APBB2: variants seen among roughly 807,000 people sequenced by gnomAD.
APBB2 encodes the protein amyloid beta precursor protein binding family B member 2.
In APBB2, 38 loss-of-function variants were observed where a neutral mutation model predicts 82.5. The ratio of observed to expected loss-of-function variants is 0.46; its 90% CI spans 0.36 to 0.60. The LOEUF is 0.60. Ranked by LOEUF, APBB2 falls within the 20% of genes least tolerant of loss-of-function variation. APBB2 has a pLI of 0.00. For synonymous variants in APBB2, 341 were observed against 368.2 expected, an observed-to-expected ratio of 0.93 and a Z score of 0.85; for missense variants, 772 against 972.3, an observed-to-expected ratio of 0.79 and a Z score of 2.74.
Position 40,995,666 on chromosome 4 carries a change from C to T in APBB2, c.835+17917G>A, listed in dbSNP as rs542601944. Among the ~76,000 whole-genome samples the T allele has an allele frequency of 4.6e-5, 7 of 151,810 alleles. No homozygotes were observed. In the South Asian group the frequency reaches 1.5e-3, roughly 32 times the overall value. On this transcript the variant is annotated intron_variant, in intron 6 of 17. Coordinates refer to ENST00000508593, the MANE Select transcript of APBB2 (RefSeq NM_004307.2). ...TAAATCCTCCTACCTCAGCCTCCTA[C>T]GTAGCTGACGCCAGCATGTGCCACT... is the stretch of plus-strand genomic sequence containing the variant.
intron 6 of APBB2, among the ~76,000 whole-genome samples, chr4:41,009,089 C>T (rs1427025824): frequency 6.6e-6 from 1 of 152,112 alleles, no homozygotes; most frequent in Non-Finnish European, 1.5e-5. Flanking sequence ...CAAAATGATG[C>T]ATCTTTTCAA....
At chr4:40,930,201 A>G (rs1032648734) in intron 10 of APBB2, among the ~76,000 whole-genome samples, 2 of 152,154 alleles carry the variant, frequency 1.3e-5, no homozygotes, top group Non-Finnish European at 2.9e-5. Flanking sequence ...GAAGAAGTTA[A>G]TATTAGGGAA....
chr4:40,853,346 G>T (rs1453791240), intron 12 of APBB2, among the ~76,000 whole-genome samples: 1 of 149,094 alleles, frequency 6.7e-6, no homozygotes, highest in Non-Finnish European at 1.5e-5. Context: ...TTTAAGCACT[G>T]CCCACAAGCC....
chr4:40,844,901 A>G (rs962182038), intron 12 of APBB2, among the ~76,000 whole-genome samples: 4 of 152,252 alleles, frequency 2.6e-5, no homozygotes, highest in African/African-American at 9.6e-5. Context: ...TAAAAAGCCT[A>G]TCTGTAGTGT....
intron 1 of APBB2, among the ~76,000 whole-genome samples, chr4:41,173,187 T>C (rs550308847): frequency 1.3e-5 from 2 of 152,334 alleles, no homozygotes; most frequent in South Asian, 4.1e-4. Flanking sequence ...ATCTCAGGTA[T>C]GAACTAATAA....
At chr4:40,928,160 G>C (rs528241860) in intron 10 of APBB2, among the ~76,000 whole-genome samples, 5 of 152,288 alleles carry the variant, frequency 3.3e-5, no homozygotes, top group African/African-American at 1.2e-4. Context: ...GATATAGAAA[G>C]TTTTAAAACA....
chr4:40,978,548 A>G (rs1284541369), intron 6 of APBB2, among the ~76,000 whole-genome samples: 1 of 151,960 alleles, frequency 6.6e-6, no homozygotes, highest in African/African-American at 2.4e-5. Flanking sequence ...TTTTTTTTAA[A>G]TCAAGCATTC....
intron 12 of APBB2, among the ~76,000 whole-genome samples, chr4:40,853,616 A>ATT (rs879510474): frequency 1.4e-5 from 2 of 145,788 alleles, no homozygotes; most frequent in African/African-American, 5.0e-5. Flanking sequence ...TGTCTGGCTA[A>ATT]TTTTTTTTTT....
At chr4:40,842,290 C>A (rs1027001766) in intron 12 of APBB2, 19 of 418,058 alleles carry the variant, frequency 4.5e-5, no homozygotes, top group Middle Eastern at 3.4e-4. Context: ...GATGGCAATG[C>A]GACATGAAGA....
At chr4:41,021,977 C>T (rs193243016) in intron 5 of APBB2, among the ~76,000 whole-genome samples, 30 of 152,222 alleles carry the variant, frequency 2.0e-4, no homozygotes, top group African/African-American at 7.0e-4. Context: ...CATGAACCCA[C>T]TGGAAGAAAG....
chr4:41,111,580 C>A (rs1012340179), intron 2 of APBB2, among the ~76,000 whole-genome samples: 2 of 152,168 alleles, frequency 1.3e-5, no homozygotes, highest in African/African-American at 2.4e-5. Context: ...TTTCTTCTTT[C>A]TGCTTTTCTG....
rs1560657312 is a variant in APBB2, at chr4:40,838,136, CA to C, written c.1530-7560del. Reference sequence around the variant, plus strand: ...ATAAATGATTCTTTATTCAAGTGGGCATTATTATTATTATTATTATTATTAT... The same window carrying C: ...ATAAATGATTCTTTATTCAAGTGGGCTTATTATTATTATTATTATTATTAT... On this transcript the variant is annotated intron_variant, in intron 12 of 17. Transcript: ENST00000508593. Among the ~76,000 whole-genome samples, 385 of 142,192 alleles carry C rather than the reference CA, an allele frequency of 2.7e-3. 3 individuals are homozygous for C. The highest frequency in any genetic ancestry group is 9.6e-3 in the African/African-American group (373 of 38,732). 93.3% of individuals were successfully genotyped at this position (142,192 alleles called of 152,430 possible).
At position 40,838,509 on chromosome 4, in the gene APBB2, G is replaced by A. The variant is rs1035214859; in HGVS notation, c.1530-7932C>T. Among the ~76,000 whole-genome samples the A allele has an allele frequency of 2.0e-5, 3 of 151,948 alleles. 1 individual carries two copies. Among genetic ancestry groups the A allele is most frequent in the Admixed American group, 2.0e-4 (3 of 15,254 alleles). On this transcript the variant is annotated intron_variant, in intron 12 of 17. Coordinates refer to ENST00000508593, the MANE Select transcript of APBB2 (RefSeq NM_004307.2). ...TGCCACCACACTTGGCTAATTTTTA[G>A]TATTTTTAGTAGAGATGGGGTTTCA...
At chr4:41,053,734 T>C (rs1726884276) in intron 4 of APBB2, among the ~76,000 whole-genome samples, 1 of 152,236 alleles carries the variant, frequency 6.6e-6, no homozygotes, top group Non-Finnish European at 1.5e-5. Context: ...CCATGAAGTA[T>C]ATCTCCACGG....
chr4:40,968,414 T>C lies in APBB2; in HGVS notation c.836-23341A>G, dbSNP rs76821720. Among the ~76,000 whole-genome samples, 1,459 of 152,336 alleles carry C rather than the reference T, an allele frequency of 9.6e-3. 9 individuals are homozygous for C. The highest frequency in any genetic ancestry group is 0.015 in the Non-Finnish European group (1,008 of 68,034). The stretch of plus-strand genomic sequence containing the variant: ...TCGCTTGGATTCAAAACTGGCTTTA[T>C]GACTGCTTGTTGTGACTACAGTGCT... On this transcript the variant is annotated intron_variant, in intron 6 of 17. Coordinates refer to ENST00000508593, the MANE Select transcript of APBB2 (RefSeq NM_004307.2).
At chr4:40,857,503 C>T (rs1761662918) in intron 12 of APBB2, among the ~76,000 whole-genome samples, 2 of 152,176 alleles carry the variant, frequency 1.3e-5, no homozygotes, top group African/African-American at 4.8e-5. Flanking sequence ...CAGAGTCTCG[C>T]TCTGTCGCCC....
At chr4:41,172,166 CTGGT>C (rs1187792571) in intron 1 of APBB2, among the ~76,000 whole-genome samples, 2 of 152,102 alleles carry the variant, frequency 1.3e-5, no homozygotes, top group African/African-American at 4.8e-5. Flanking sequence ...GACCAAAATC[CTGGT>C]CACTGCCTGG....
At chr4:41,008,873 C>T (rs1242783165) in intron 6 of APBB2, among the ~76,000 whole-genome samples, 1 of 152,172 alleles carries the variant, frequency 6.6e-6, no homozygotes, top group Admixed American at 6.5e-5. Flanking sequence ...GATCATGAGG[C>T]GCATTGCCAC....
At position 40,862,686 on chromosome 4, in the gene APBB2, C is replaced by T. The variant is rs1763039754; in HGVS notation, c.1529+27678G>A. On this transcript the variant is annotated intron_variant, in intron 12 of 17. Transcript: ENST00000508593. ...CCAGCCTGGTCAAGATGGTGAAACC[C>T]TGTGTCTACTAAAACTACAAAAATT... Among the ~76,000 whole-genome samples the T allele has an allele frequency of 2.0e-5, 3 of 152,256 alleles. No homozygotes were observed. In the South Asian group the frequency reaches 6.2e-4, roughly 32 times the overall value.
Sources: gnomAD v4.1 joint callset for allele counts (sites outside exome capture counted in the v4.1 genomes callset) on GRCh38, gnomAD v4.1.1 for gene constraint, MANE v1.5 for transcripts, NCBI Gene and HGNC (gene_info 2026-07-23, HGNC 2026-07-21) for gene names.